Variants in CAST observed in about 807,000 individuals in gnomAD.
The protein encoded by CAST is MIR583 host.
In CAST, 76 loss-of-function variants were observed where a neutral mutation model predicts 119.6. The observed-to-expected ratio is 0.64, with a 90% CI of 0.53 to 0.77. The LOEUF is 0.77. Ranked by LOEUF, CAST falls within the 30% of genes least tolerant of loss-of-function variation. The probability of loss-of-function intolerance (pLI) is 0.00; values close to 1 mark genes in which losing one functional copy is unlikely to be tolerated. For synonymous variants in CAST, 319 were observed against 331.6 expected (o/e 0.96, Z 0.41); for missense variants, 953 against 946.5 (o/e 1.01, Z -0.09).
At chr5:96,708,901 C>T (rs1368884000) in intron 3 of CAST, among the ~76,000 whole-genome samples, 2 of 152,208 alleles carry the variant, frequency 1.3e-5, no homozygotes, top group Non-Finnish European at 2.9e-5. Context: ...GACTCTCCCG[C>T]ATGCTATTTT....
chr5:96,643,143 T>C (rs1351217365), intron 1 of CAST, among the ~76,000 whole-genome samples: 1 of 152,220 alleles, frequency 6.6e-6, no homozygotes, highest in African/African-American at 2.4e-5. Context: ...AGTGGCATGT[T>C]TGCACGCAGC....
chr5:96,327,473 C>G, the CAST span, among the ~76,000 whole-genome samples: 1 of 152,124 alleles, frequency 6.6e-6, no homozygotes, highest in Non-Finnish European at 1.5e-5. Context: ...GGTAGCTAAC[C>G]AGTGCCATCC....
chr5:96,052,892 G>C, the CAST span, among the ~76,000 whole-genome samples: 4 of 152,074 alleles, frequency 2.6e-5, no homozygotes, highest in African/African-American at 4.8e-5. Flanking sequence ...TGGTGCTTTT[G>C]TGTGCCCTGT....
At chr5:96,058,128 C>T in the CAST span, among the ~76,000 whole-genome samples, 1 of 151,996 alleles carries the variant, frequency 6.6e-6, no homozygotes, top group Admixed American at 6.6e-5. Flanking sequence ...TTACCCAGAT[C>T]TTCCCTTCAG....
At chr5:96,012,135 A>G in the CAST span, among the ~76,000 whole-genome samples, 13 of 152,190 alleles carry the variant, frequency 8.5e-5, no homozygotes, top group African/African-American at 3.1e-4. Flanking sequence ...TCTAAATCAG[A>G]GTTCTGTTCT....
the CAST span, among the ~76,000 whole-genome samples, chr5:96,149,570 A>T: frequency 6.6e-6 from 1 of 152,000 alleles, no homozygotes. Context: ...GCTTGATGAG[A>T]CTCATTAAGG....
the CAST span, among the ~76,000 whole-genome samples, chr5:96,498,115 G>A: frequency 6.6e-6 from 1 of 152,216 alleles, no homozygotes; most frequent in Non-Finnish European, 1.5e-5. Flanking sequence ...TTATTAAATA[G>A]GGAATCCTTT....
intron 2 of CAST, among the ~76,000 whole-genome samples, chr5:96,687,913 T>C (rs1256196943): frequency 6.6e-6 from 1 of 152,158 alleles, no homozygotes; most frequent in African/African-American, 2.4e-5. Context: ...ATTTCACTAG[T>C]GAAATTGAAA....
At chr5:96,252,938 C>T in the CAST span, among the ~76,000 whole-genome samples, 1 of 151,962 alleles carries the variant, frequency 6.6e-6, no homozygotes, top group Non-Finnish European at 1.5e-5. Flanking sequence ...TATCATTTGC[C>T]AGCTGTTACG....
the CAST span, among the ~76,000 whole-genome samples, chr5:96,140,626 T>C: frequency 7.2e-5 from 11 of 152,336 alleles, no homozygotes; most frequent in Middle Eastern, 3.4e-3. Flanking sequence ...AATCTTCAAA[T>C]TTCTTACTTA....
At chr5:96,280,225 T>C in the CAST span, among the ~76,000 whole-genome samples, 1 of 152,206 alleles carries the variant, frequency 6.6e-6, no homozygotes, top group Non-Finnish European at 1.5e-5. Context: ...ATTCATTCTC[T>C]GGTACTCAAC....
the CAST span, among the ~76,000 whole-genome samples, chr5:96,352,526 G>A: frequency 6.6e-6 from 1 of 152,264 alleles, no homozygotes; most frequent in East Asian, 1.9e-4. Flanking sequence ...TGTGATAGGA[G>A]ATCTGGTTTT....
At chr5:96,149,113 C>T in the CAST span, among the ~76,000 whole-genome samples, 339 of 152,254 alleles carry the variant, frequency 2.2e-3, no homozygotes, top group African/African-American at 7.7e-3. Flanking sequence ...TTTGACTTGG[C>T]GTATGGAGTC....
the CAST span, among the ~76,000 whole-genome samples, chr5:96,249,547 T>C: frequency 1.3e-5 from 2 of 152,210 alleles, no homozygotes; most frequent in African/African-American, 4.8e-5. Context: ...ACTTAGGTTG[T>C]CCCAACTGCA....
the CAST span, chr5:96,432,990 G>T: frequency 6.2e-7 from 1 of 1,614,220 alleles, no homozygotes; most frequent in Non-Finnish European, 8.5e-7. Context: ...TGCACACCAA[G>T]CGCAAAAGAG....
intron 1 of CAST, among the ~76,000 whole-genome samples, chr5:96,663,554 C>G (rs922211746): frequency 6.6e-6 from 1 of 152,164 alleles, no homozygotes; most frequent in African/African-American, 2.4e-5. Flanking sequence ...TCTTTTTTAA[C>G]CCCTAAGTAA....
chr5:96,365,923 C>T, the CAST span, among the ~76,000 whole-genome samples: 47 of 152,302 alleles, frequency 3.1e-4, no homozygotes, highest in African/African-American at 1.0e-3. Context: ...TTCCTACCTT[C>T]GATGGTCTTT....
At chr5:96,490,378 GTGTA>G in the CAST span, among the ~76,000 whole-genome samples, 63 of 150,876 alleles carry the variant, frequency 4.2e-4, no homozygotes, top group African/African-American at 1.3e-3. Context: ...GTGTGTGTGT[GTGTA>G]TGTAAACAGA....
chr5:96,568,079 CA>C (rs1746505135), intron 1 of CAST, among the ~76,000 whole-genome samples: 1 of 152,090 alleles, frequency 6.6e-6, no homozygotes, highest in African/African-American at 2.4e-5. Flanking sequence ...TTTGACTGAA[CA>C]AAGGCTGAAA....
Sources: allele counts gnomAD v4.1 joint callset (sites outside exome capture counted in the v4.1 genomes callset), GRCh38; gene constraint gnomAD v4.1.1; transcripts MANE v1.5; gene names NCBI Gene and HGNC (gene_info 2026-07-23, HGNC 2026-07-21).